The following NCAPD3 variants were observed in gnomAD, a reference collection of about 807,000 sequenced individuals.
NCAPD3 encodes non-SMC condensin II complex subunit D3.
A neutral mutation model predicts 182.9 loss-of-function variants in NCAPD3; 105 were observed. The ratio of observed to expected loss-of-function variants is 0.57; its 90% confidence interval spans 0.49 to 0.68. The LOEUF (loss-of-function observed/expected upper bound fraction) is 0.68, where lower values mean the gene tolerates loss of function less well. Ranked by LOEUF, NCAPD3 falls within the 30% of genes least tolerant of loss-of-function variation. The probability of loss-of-function intolerance (pLI) is 0.00; values close to 1 mark genes in which losing one functional copy is unlikely to be tolerated. For missense variants in NCAPD3, 1,944 were observed against 1,837.0 expected (o/e 1.06, Z -1.07); for synonymous variants, 815 against 679.9 (o/e 1.20, Z -3.09).
rs898133915 is a variant in NCAPD3, at chr11:134,177,704, T to C, written c.2783-247A>G. 6 of 479,684 alleles carry C rather than the reference T, an allele frequency of 1.3e-5. No homozygotes were observed. In the Admixed American group the frequency reaches 1.9e-4, roughly 15 times the overall value. The allele number at this position is 479,684 out of a possible 1,614,324, so 29.7% of individuals were successfully genotyped here. ...GGGATGTTCCTTTACACTAATAAAA[T>C]CATCTTCCTTTTAAAGTCAACATTT... On this transcript the variant is annotated intron_variant, in intron 22 of 34. Transcript: ENST00000534548.
intron 29 of NCAPD3, 24 bp downstream of exon 29, chr11:134,159,868 C>G: frequency 1.2e-6 from 2 of 1,603,166 alleles, no homozygotes; most frequent in Middle Eastern, 1.8e-4. Context: ...TGTCTGGTCA[C>G]AGTGCAGTGG....
chr11:134,194,557 C>G lies in NCAPD3; in HGVS notation c.1689+108G>C, dbSNP rs185470073. ...GGATCAGGGTCAACTAACAGTTAGG[C>G]GAAAAGCAAATTAAGTAATGAATAT... On this transcript the variant is annotated intron_variant, in intron 14 of 34. Transcript: ENST00000534548. 2.1e-4 allele frequency: 147 copies of G among 699,350 alleles called. No homozygotes were observed. In the African/African-American group the frequency reaches 2.4e-3, roughly 11 times the overall value. The allele number at this position is 699,350 out of a possible 1,614,324, so 43.3% of individuals were successfully genotyped here.
intron 27 of NCAPD3, among the ~76,000 whole-genome samples, chr11:134,166,725 TCAC>T (rs1943820398): frequency 9.4e-6 from 1 of 105,898 alleles, no homozygotes; most frequent in African/African-American, 4.0e-5. Context: ...AGCAGCACAC[TCAC>T]TTGTGAGATG....
At chr11:134,155,446 G>A (rs910251018) in intron 32 of NCAPD3, among the ~76,000 whole-genome samples, 3 of 152,198 alleles carry the variant, frequency 2.0e-5, no homozygotes, top group Non-Finnish European at 4.4e-5. Flanking sequence ...GACAGAGACT[G>A]CATCAGCAGG....
intron 32 of NCAPD3, 39 bp from the exon 33 acceptor site, chr11:134,153,402 G>T: frequency 6.2e-7 from 1 of 1,602,614 alleles, no homozygotes; most frequent in Non-Finnish European, 8.5e-7. Flanking sequence ...AAAGCCGCGT[G>T]GTCTATCGGA....
At chr11:134,162,405 A>G (rs889972346) in intron 27 of NCAPD3, among the ~76,000 whole-genome samples, 2 of 152,188 alleles carry the variant, frequency 1.3e-5, no homozygotes, top group African/African-American at 4.8e-5. Context: ...CTATGAATTT[A>G]TATATATAGT....
intron 27 of NCAPD3, among the ~76,000 whole-genome samples, chr11:134,167,460 G>C (rs1365295689): frequency 1.3e-4 from 15 of 114,702 alleles, no homozygotes; most frequent in South Asian, 3.2e-4. Flanking sequence ...CTTAGGGGAG[G>C]CGCACACTCA....
At chr11:134,164,606 C>T (rs988005441) in intron 27 of NCAPD3, among the ~76,000 whole-genome samples, 23 of 149,994 alleles carry the variant, frequency 1.5e-4, no homozygotes, top group Middle Eastern at 7.4e-3. Context: ...CTTAGGGGAG[C>T]TGCACACTCA....
At chr11:134,164,894 T>C (rs903709147) in intron 27 of NCAPD3, among the ~76,000 whole-genome samples, 7 of 145,954 alleles carry the variant, frequency 4.8e-5, no homozygotes, top group Admixed American at 6.9e-5. Context: ...TGACATGAGC[T>C]TAGGGGGAGC....
intron 16 of NCAPD3, among the ~76,000 whole-genome samples, chr11:134,186,945 T>C (rs1311135220): frequency 1.3e-5 from 2 of 152,242 alleles, no homozygotes; most frequent in Non-Finnish European, 2.9e-5. Context: ...TGAACAAGTA[T>C]TTTTAAATTT....
chr11:134,164,918 G>C (rs150357957), intron 27 of NCAPD3, among the ~76,000 whole-genome samples: 36 of 151,378 alleles, frequency 2.4e-4, no homozygotes, highest in Non-Finnish European at 3.2e-4. Flanking sequence ...ACACTCACTT[G>C]TGAGATGAGC....
intron 20 of NCAPD3, among the ~76,000 whole-genome samples, chr11:134,179,912 AT>A (rs766981485): frequency 5.3e-5 from 8 of 152,210 alleles, no homozygotes; most frequent in Non-Finnish European, 8.8e-5. Flanking sequence ...CATTAAAAAA[AT>A]ATTTAAGTTC....
In NCAPD3 at chr11:134,159,898, C is replaced by G; in HGVS notation, c.3861G>C (p.Val1287=). ...CAGTGGGCCCCACACCTACCTGTGC[C>G]ACAGGTGCCACCTCAGCACCTCCAG... ...GTAGGAEVAP[V]AQVALCLETV... The change falls in exon 29 of 35, where the codon GTG becomes GTC. Residue 1287 remains valine, a synonymous_variant. Coordinates refer to ENST00000534548, the MANE Select transcript of NCAPD3 (RefSeq NM_015261.3). The G allele has an allele frequency of 6.2e-7, 1 of 1,612,332 alleles. No homozygotes were observed. The highest frequency in any genetic ancestry group is 1.1e-5 in the South Asian group (1 of 90,950).
intron 28 of NCAPD3, among the ~76,000 whole-genome samples, chr11:134,161,019 TCATA>T (rs748904677): frequency 8.5e-5 from 13 of 152,222 alleles, no homozygotes; most frequent in Middle Eastern, 6.8e-3. Context: ...TTTATTTTTA[TCATA>T]CAATGAGACT....
chr11:134,198,942 G>T (rs1944691313), intron 13 of NCAPD3, among the ~76,000 whole-genome samples: 1 of 152,136 alleles, frequency 6.6e-6, no homozygotes, highest in Admixed American at 6.5e-5. Context: ...ACAAATTAAA[G>T]ACCGAAAGAA....
chr11:134,162,121 T>G (rs1311417281), intron 27 of NCAPD3, among the ~76,000 whole-genome samples: 3 of 152,216 alleles, frequency 2.0e-5, no homozygotes. Flanking sequence ...CAAATACTAC[T>G]CATATATTCT....
rs996493072 is a variant in NCAPD3, at chr11:134,194,075, G to A, written c.1765C>T (p.Arg589Trp). ...TTCCGGACAGACACTGCAGGGTCCC[G>A]ACACTGGTCCTGCAGAATCCACAGG... ...EDLWILQDQC[R>W]DPAVSVRKQA... The change falls in exon 15 of 35, where the codon CGG becomes TGG. Residue 589 changes from arginine to tryptophan, a missense_variant. This residue lies in a region of NCAPD3 where 1,803 missense variants were observed against 1,674.6 expected (regional missense o/e 1.08). Transcript: ENST00000534548. 9.3e-6 allele frequency: 15 copies of A among 1,613,984 alleles called. No homozygotes were observed. Among genetic ancestry groups the A allele is most frequent in the Non-Finnish European group, 1.3e-5 (15 of 1,179,942 alleles).
In NCAPD3 at chr11:134,204,306, A is replaced by C. The variant is rs1944808666; in HGVS notation, c.1090-135T>G. On this transcript the variant is annotated intron_variant, in intron 9 of 34. Transcript: ENST00000534548. This position sits in a 1 kb window ranked among gnomAD's most constrained non-coding sequence, Gnocchi z 4.3. ...TTAAATGTTACGTAAATGACTAATA[A>C]ATTTTAGGTTTTAGAACACTTCAAA... The C allele has an allele frequency of 1.0e-6, 1 of 999,708 alleles. No homozygotes were observed. The highest frequency in any genetic ancestry group is 1.4e-6 in the Non-Finnish European group (1 of 708,328). The allele number at this position is 999,708 out of a possible 1,614,324, so 61.9% of individuals were successfully genotyped here.
rs1027126108 is a variant in NCAPD3, at chr11:134,178,558, C to A, written c.2782+76G>T. ...CAGGCTCCGCAGCCCCTGACACAGT[C>A]CCATGGCTGGGCTTACTTAAGACAA... On this transcript the variant is annotated intron_variant, in intron 22 of 34. Transcript: ENST00000534548. 4 of 1,170,110 alleles carry A rather than the reference C, an allele frequency of 3.4e-6. No individual in the cohort carries two copies. In the Admixed American group the frequency reaches 9.3e-5, roughly 27 times the overall value. The allele number at this position is 1,170,110 out of a possible 1,614,324, so 72.5% of individuals were successfully genotyped here.
Sources: gnomAD v4.1 joint callset for allele counts (sites outside exome capture counted in the v4.1 genomes callset) on GRCh38, gnomAD v4.1.1 for gene constraint, gnomAD v4.1.1 regional missense constraint, Gnocchi (gnomAD v3.1) non-coding constraint, MANE v1.5 for transcripts, NCBI Gene and HGNC (gene_info 2026-07-23, HGNC 2026-07-21) for gene names.